EXD3: variants seen among roughly 807,000 people sequenced by gnomAD.
The protein encoded by EXD3 is exonuclease mut-7 homolog.
In EXD3, 92 loss-of-function variants were observed where a neutral mutation model predicts 98.0. The observed-to-expected ratio is 0.94, with a 90% CI of 0.79 to 1.12. EXD3 has a LOEUF of 1.12. EXD3 is among the 50% of genes most tolerant of loss of function. The pLI, the probability that EXD3 is intolerant of heterozygous loss-of-function variation, is 0.00. For missense variants in EXD3, 1,222 were observed against 1,191.6 expected (o/e 1.03, Z -0.38); for synonymous variants, 569 against 526.0 (o/e 1.08, Z -1.12).
In EXD3 at chr9:137,348,220, C is replaced by T. The variant is rs558014887; in HGVS notation, c.1849G>A (p.Val617Met). Reference protein sequence around the residue: ...APRQVPVAVAVSEGAAPQIPA... With the variant: ...APRQVPVAVAMSEGAAPQIPA... ...ATCTGAGGGGCAGCGCCCTCAGACA[C>T]AGCCACAGCCACAGGGACCTGCAGT... Residue 617 changes from valine (V) to methionine (M), a missense_variant, in exon 17 of 22, where the codon GTG becomes ATG. Physicochemically the swap from Val to Met is conservative, Grantham distance 21. Coordinates refer to ENST00000340951, the MANE Select transcript of EXD3 (RefSeq NM_017820.5). 4.3e-6 allele frequency: 7 copies of T among 1,610,992 alleles called. No individual in the cohort carries two copies. The South Asian group carries it at 4.4e-5, about 10-fold the overall frequency.
intron 1 of EXD3, among the ~76,000 whole-genome samples, chr9:137,396,070 C>T (rs566969278): frequency 5.3e-5 from 8 of 151,690 alleles, no homozygotes; most frequent in Non-Finnish European, 8.8e-5. Context: ...CGGGTTCAAG[C>T]GATTCTCCTG....
At chr9:137,321,344 C>T (rs1405925835) in intron 19 of EXD3, among the ~76,000 whole-genome samples, 3 of 152,196 alleles carry the variant, frequency 2.0e-5, no homozygotes, top group Non-Finnish European at 4.4e-5. Context: ...ACAGTGGCCT[C>T]CATGAGGGGA....
intron 2 of EXD3, among the ~76,000 whole-genome samples, chr9:137,387,496 C>T (rs1836663637): frequency 6.6e-6 from 1 of 152,176 alleles, no homozygotes; most frequent in Non-Finnish European, 1.5e-5. Context: ...GCTTCCTGTT[C>T]ATACAACAGA....
chr9:137,390,513 C>T (rs9330202), intron 2 of EXD3, among the ~76,000 whole-genome samples: 70,319 of 151,750 alleles, frequency 0.46, 16,500 homozygotes, highest in Middle Eastern at 0.5. Flanking sequence ...TGGGTGGTTT[C>T]ACATAAACTA....
In EXD3 at chr9:137,352,746, G is replaced by T; in HGVS notation, c.911C>A (p.Ser304Tyr). The T allele has an allele frequency of 6.3e-7, 1 of 1,577,622 alleles. No homozygotes were observed. Among genetic ancestry groups the T allele is most frequent in the Non-Finnish European group, 8.6e-7 (1 of 1,163,630 alleles). Residue 304 changes from serine to tyrosine, a missense_variant, in exon 11 of 22, where the codon TCT becomes TAT. Physicochemically the swap from Ser to Tyr is moderately radical, Grantham distance 144. Coordinates refer to ENST00000340951, the MANE Select transcript of EXD3 (RefSeq NM_017820.5). The stretch of plus-strand genomic sequence containing the variant: ...GTCACTGTGGGAGACCAGCAGCTGA[G>T]ACAGCTGCTCCTGAAGCCACGGGCT... Reference protein sequence around the residue: ...GQSPWLQEQLSQLLVSHSDPV... With the variant: ...GQSPWLQEQLYQLLVSHSDPV...
intron 10 of EXD3, chr9:137,353,652 G>A: frequency 6.1e-6 from 6 of 985,794 alleles, no homozygotes; most frequent in Non-Finnish European, 7.2e-6. Context: ...ACAGGCCTGC[G>A]GGACCCTCAG....
At chr9:137,332,444 G>A (rs190075024) in intron 17 of EXD3, among the ~76,000 whole-genome samples, 54 of 149,674 alleles carry the variant, frequency 3.6e-4, no homozygotes, top group Admixed American at 1.8e-3. Context: ...AAAAATTACC[G>A]GGCATGGTAG....
chr9:137,344,290 A>G (rs1833811313), intron 17 of EXD3, among the ~76,000 whole-genome samples: 1 of 152,142 alleles, frequency 6.6e-6, no homozygotes, highest in Admixed American at 6.6e-5. Flanking sequence ...CAGACAACTC[A>G]TCTGTAAGAC....
intron 5 of EXD3, among the ~76,000 whole-genome samples, chr9:137,368,657 GC>G (rs1275957880): frequency 6.6e-6 from 1 of 152,196 alleles, no homozygotes; most frequent in Non-Finnish European, 1.5e-5. Flanking sequence ...TCGGCGCCCC[GC>G]CCCCGCGCAG....
At chr9:137,322,378 A>C (rs1347942343) in intron 19 of EXD3, among the ~76,000 whole-genome samples, 22 of 89,332 alleles carry the variant, frequency 2.5e-4, no homozygotes, top group African/African-American at 4.4e-4. Flanking sequence ...CCCCGGACCC[A>C]CAAGGGATTC....
intron 1 of EXD3, among the ~76,000 whole-genome samples, chr9:137,411,680 C>T (rs1484425244): frequency 2.6e-5 from 3 of 115,732 alleles, no homozygotes; most frequent in African/African-American, 9.6e-5. Context: ...AAAGGAGCGG[C>T]AGGCGGAGGC....
intron 5 of EXD3, 134 bp downstream of exon 5, chr9:137,372,771 G>A (rs889726839): frequency 2.9e-5 from 27 of 920,820 alleles, no homozygotes; most frequent in South Asian, 1.2e-4. Flanking sequence ...GCCCACGGCC[G>A]GGTCCTTGAT....
At position 137,327,566 on chromosome 9, in the gene EXD3, T is replaced by C. The variant is rs563878817; in HGVS notation, c.1999-3423A>G. ...AAAATGGTCAATTTCGTGTTATGTA[T>C]GTTTTACCACAAAAAGAAAGAAAAA... On this transcript the variant is annotated intron_variant, in intron 17 of 21. Coordinates refer to ENST00000340951, the MANE Select transcript of EXD3 (RefSeq NM_017820.5). Among the ~76,000 whole-genome samples, 3 of 152,248 alleles carry C rather than the reference T, an allele frequency of 2.0e-5. No homozygotes were observed. In the South Asian group the frequency reaches 6.2e-4, roughly 32 times the overall value.
chr9:137,308,089 T>C (rs1413809371), intron 20 of EXD3, among the ~76,000 whole-genome samples: 2 of 151,964 alleles, frequency 1.3e-5, no homozygotes, highest in Non-Finnish European at 2.9e-5. Flanking sequence ...TTGGAGACCC[T>C]GGGAAGTGGC....
At position 137,352,777 on chromosome 9, in the gene EXD3, C is replaced by T. The variant is rs199618022; in HGVS notation, c.880G>A (p.Gly294Arg). 8.6e-4 allele frequency: 1,356 copies of T among 1,581,698 alleles called. No homozygotes were observed. The highest frequency in any genetic ancestry group is 1.1e-3 in the Admixed American group (59 of 53,734). The change falls in exon 11 of 22, where the codon GGG becomes AGG. Residue 294 changes from glycine to arginine, a missense_variant. Physicochemically the swap from Gly to Arg is moderately radical, Grantham distance 125. Coordinates refer to ENST00000340951, the MANE Select transcript of EXD3 (RefSeq NM_017820.5). ...NWTDHVQGLV[G>R]QSPWLQEQLS... ...TGCTCCTGAAGCCACGGGCTCTGCC[C>T]CACCAGGCCCTGTGAGGAGGGTGGC... is the stretch of plus-strand genomic sequence containing the variant.
At chr9:137,330,173 C>G (rs532685863) in intron 17 of EXD3, among the ~76,000 whole-genome samples, 5 of 133,536 alleles carry the variant, frequency 3.7e-5, no homozygotes, top group African/African-American at 6.0e-5. Flanking sequence ...TACACCGGAG[C>G]TACACGGGAC....
At chr9:137,328,262 CAAAT>C (rs67435908) in intron 17 of EXD3, among the ~76,000 whole-genome samples, 7 of 124,122 alleles carry the variant, frequency 5.6e-5, no homozygotes, top group African/African-American at 1.2e-4. Context: ...GTAAAAACAA[CAAAT>C]AAACACCCAC....
At chr9:137,337,185 C>G (rs1011154301) in intron 17 of EXD3, among the ~76,000 whole-genome samples, 1 of 152,096 alleles carries the variant, frequency 6.6e-6, no homozygotes, top group Non-Finnish European at 1.5e-5. Context: ...AGATTTCACA[C>G]AACAGAAAGA....
chr9:137,419,185 C>T (rs1287581968), intron 1 of EXD3, among the ~76,000 whole-genome samples: 2 of 152,066 alleles, frequency 1.3e-5, no homozygotes, highest in Non-Finnish European at 2.9e-5. Context: ...ACATATGTTC[C>T]AAAATTGTAT....
Sources: allele counts gnomAD v4.1 joint callset (sites outside exome capture counted in the v4.1 genomes callset), GRCh38; gene constraint gnomAD v4.1.1; transcripts MANE v1.5; gene names NCBI Gene and HGNC (gene_info 2026-07-23, HGNC 2026-07-21).